The following PTPRD variants were observed in gnomAD, a reference collection of about 807,000 sequenced individuals.
PTPRD encodes receptor-type tyrosine-protein phosphatase delta.
A neutral mutation model predicts 214.5 loss-of-function variants in PTPRD; 34 were observed. The observed-to-expected ratio is 0.16, with a 90% CI of 0.12 to 0.21. PTPRD has a LOEUF of 0.21. PTPRD is among the 10% of genes least tolerant of loss of function. PTPRD has a pLI of 1.00. For synonymous variants in PTPRD, 1,128 were observed against 845.7 expected (o/e 1.33, Z -5.79); for missense variants, 2,545 against 2,398.7 (o/e 1.06, Z -1.27).
chr9:9,850,581 AT>A (rs1177304591), intron 5 of PTPRD, among the ~76,000 whole-genome samples: 4 of 149,554 alleles, frequency 2.7e-5, no homozygotes, highest in Non-Finnish European at 5.9e-5. Flanking sequence ...AAAATTGTAT[AT>A]ATAGTGTAAA....
At chr9:10,547,874 AT>A (rs2060493212) in intron 2 of PTPRD, among the ~76,000 whole-genome samples, 1 of 152,090 alleles carries the variant, frequency 6.6e-6, no homozygotes, top group South Asian at 2.1e-4. Flanking sequence ...ATAACATGAT[AT>A]TTGGTTGGGA....
chr9:9,439,351 C>T (rs925759489), intron 8 of PTPRD, among the ~76,000 whole-genome samples: 1 of 152,048 alleles, frequency 6.6e-6, no homozygotes, highest in African/African-American at 2.4e-5. Context: ...TCCAAGGCTA[C>T]CAGACATCCC....
At position 8,453,202 on chromosome 9, in the gene PTPRD, C is replaced by T. The variant is rs138146860; in HGVS notation, c.3876-3365G>A. Among the ~76,000 whole-genome samples the T allele has an allele frequency of 1.1e-4, 16 of 152,280 alleles. No homozygotes were observed. In the East Asian group the frequency reaches 1.5e-3, roughly 15 times the overall value. On this transcript the variant is annotated intron_variant, in intron 33 of 45. Transcript: ENST00000381196. ...TGAAAGGTACGGAGTCCCACTCTGT[C>T]GCCCAGGCTGGAGTGCAGTGGTGCG... is the stretch of plus-strand genomic sequence containing the variant.
chr9:9,888,352 G>A (rs763241090), intron 5 of PTPRD, among the ~76,000 whole-genome samples: 1 of 152,110 alleles, frequency 6.6e-6, no homozygotes, highest in African/African-American at 2.4e-5. Flanking sequence ...AAGATATAGA[G>A]GACTACTGCC....
chr9:10,317,300 T>A lies in PTPRD; in HGVS notation c.-545+23663A>T, dbSNP rs147192622. On this transcript the variant is annotated intron_variant, in intron 3 of 45. Coordinates refer to ENST00000381196, the MANE Select transcript of PTPRD (RefSeq NM_002839.4). ...GCTATCATTTGAAAGTAGATTTGAA[T>A]AAGTTTCTCCTTTTTAATGATAATG... Among the ~76,000 whole-genome samples the A allele has an allele frequency of 5.6e-3, 849 of 152,108 alleles. 2 individuals are homozygous for A. Among genetic ancestry groups the A allele is most frequent in the Non-Finnish European group, 8.3e-3 (563 of 67,914 alleles).
chr9:8,514,932 C>G (rs1037016990), intron 21 of PTPRD, among the ~76,000 whole-genome samples: 1 of 152,224 alleles, frequency 6.6e-6, no homozygotes, highest in African/African-American at 2.4e-5. Context: ...TTATAAGGGG[C>G]TCTTCCCCCT....
intron 3 of PTPRD, among the ~76,000 whole-genome samples, chr9:10,181,915 T>C (rs1407933446): frequency 1.4e-5 from 2 of 142,074 alleles, no homozygotes; most frequent in Non-Finnish European, 3.0e-5. Context: ...AAAAGCTTTC[T>C]TAAATATGAC....
intron 4 of PTPRD, among the ~76,000 whole-genome samples, chr9:9,983,408 GA>G (rs1400165192): frequency 2.0e-5 from 3 of 152,144 alleles, no homozygotes; most frequent in Non-Finnish European, 4.4e-5. Flanking sequence ...CAAAAGATGG[GA>G]AAAACAGAAC....
intron 2 of PTPRD, among the ~76,000 whole-genome samples, chr9:10,558,527 G>A (rs1216817494): frequency 6.6e-6 from 1 of 152,050 alleles, no homozygotes; most frequent in Admixed American, 6.6e-5. Context: ...CACAGTAGGT[G>A]CAGCTACTTA....
intron 11 of PTPRD, among the ~76,000 whole-genome samples, chr9:8,946,249 G>A (rs2099063460): frequency 6.6e-6 from 1 of 152,122 alleles, no homozygotes; most frequent in Admixed American, 6.5e-5. Context: ...GTGTCAGTTT[G>A]TATTCTATGA....
chr9:10,347,051 T>A (rs776597897), intron 2 of PTPRD, among the ~76,000 whole-genome samples: 1 of 152,186 alleles, frequency 6.6e-6, no homozygotes, highest in Admixed American at 6.5e-5. Context: ...AATTATCTTT[T>A]CTGTCCTTAC....
intron 14 of PTPRD, among the ~76,000 whole-genome samples, chr9:8,538,792 C>T (rs2077607103): frequency 2.6e-5 from 4 of 151,660 alleles, no homozygotes. Flanking sequence ...GCAGTAATAC[C>T]CAGTAGCAAT....
At chr9:8,398,300 T>A (rs1225135835) in intron 36 of PTPRD, among the ~76,000 whole-genome samples, 2 of 152,118 alleles carry the variant, frequency 1.3e-5, no homozygotes, top group African/African-American at 4.8e-5. Context: ...ATTATACAGA[T>A]GAGGAAAGCA....
At chr9:8,357,380 A>G (rs2077228157) in intron 39 of PTPRD, among the ~76,000 whole-genome samples, 1 of 152,194 alleles carries the variant, frequency 6.6e-6, no homozygotes, top group Non-Finnish European at 1.5e-5. Context: ...TCATTCTATC[A>G]AATGCCTTGG....
intron 3 of PTPRD, among the ~76,000 whole-genome samples, chr9:10,045,439 T>C (rs2097370796): frequency 6.6e-6 from 1 of 151,584 alleles, no homozygotes; most frequent in Non-Finnish European, 1.5e-5. Context: ...GAATGAAAAA[T>C]AGCCTTGATT....
chr9:9,107,120 A>T (rs2099799733), intron 10 of PTPRD, among the ~76,000 whole-genome samples: 2 of 152,198 alleles, frequency 1.3e-5, no homozygotes, highest in South Asian at 4.1e-4. Context: ...TGTTACTCAC[A>T]TGAGGATATG....
intron 5 of PTPRD, among the ~76,000 whole-genome samples, chr9:9,882,338 C>G (rs375059356): frequency 3.3e-5 from 5 of 152,148 alleles, no homozygotes; most frequent in African/African-American, 1.2e-4. Context: ...GTTTTCCCAT[C>G]ATTTTTGCTT....
At chr9:8,905,789 T>A (rs1267475199) in intron 11 of PTPRD, among the ~76,000 whole-genome samples, 1 of 151,930 alleles carries the variant, frequency 6.6e-6, no homozygotes, top group African/African-American at 2.4e-5. Flanking sequence ...CTACCCTTCT[T>A]CCATTGTAGG....
At chr9:8,980,095 A>G (rs1378046314) in intron 11 of PTPRD, among the ~76,000 whole-genome samples, 2 of 152,148 alleles carry the variant, frequency 1.3e-5, no homozygotes, top group Non-Finnish European at 2.9e-5. Context: ...GGATGGACCT[A>G]AAGGACATTG....
Sources: gnomAD v4.1 joint callset for allele counts (sites outside exome capture counted in the v4.1 genomes callset) on GRCh38, gnomAD v4.1.1 for gene constraint, MANE v1.5 for transcripts, NCBI Gene and HGNC (gene_info 2026-07-23, HGNC 2026-07-21) for gene names.